OR6N1: variants seen among roughly 807,000 people sequenced by gnomAD.
The protein encoded by OR6N1 is olfactory receptor 6N1.
For synonymous variants in OR6N1, 170 were observed against 150.7 expected (o/e 1.13, Z -0.94); for missense variants, 394 against 371.7 (o/e 1.06, Z -0.49).
At chr1:158,779,915 C>A in the OR6N1 span, among the ~76,000 whole-genome samples, 1 of 152,288 alleles carries the variant, frequency 6.6e-6, no homozygotes, top group East Asian at 1.9e-4. Flanking sequence ...TTGTTAAGAT[C>A]TTTGAGAGCA....
the OR6N1 span, among the ~76,000 whole-genome samples, chr1:158,799,670 T>A: frequency 6.6e-6 from 1 of 152,224 alleles, no homozygotes; most frequent in African/African-American, 2.4e-5. Context: ...ATAAATCGTA[T>A]GTTTGTGTAG....
the OR6N1 span, chr1:158,777,754 ACT>A: frequency 1.6e-6 from 1 of 642,946 alleles, no homozygotes; most frequent in Non-Finnish European, 2.7e-6. Flanking sequence ...TGAAATTACT[ACT>A]GTTGCCCTCA....
At chr1:158,831,776 G>A in the OR6N1 span, among the ~76,000 whole-genome samples, 152,166 of 152,282 alleles carry the variant, frequency 1, 76,025 homozygotes, top group Middle Eastern at 1. Flanking sequence ...GTCTACAGCA[G>A]GTTTTAAAAA....
the OR6N1 span, chr1:158,831,192 C>A: frequency 1.3e-5 from 2 of 152,186 alleles, no homozygotes; most frequent in African/African-American, 4.8e-5. Context: ...AGAAGAGGCA[C>A]CATTTACTGT....
At chr1:158,776,558 A>G, upstream of OR6N1, 1 of 544,210 alleles carries the variant, frequency 1.8e-6, no homozygotes, top group East Asian at 2.9e-5. Flanking sequence ...AGAAAATCAT[A>G]AAGAAATGAA....
the OR6N1 span, among the ~76,000 whole-genome samples, chr1:158,782,513 C>T: frequency 6.6e-6 from 1 of 152,142 alleles, no homozygotes; most frequent in African/African-American, 2.4e-5. Context: ...TCACACACCA[C>T]TGGAGTTGTG....
the OR6N1 span, among the ~76,000 whole-genome samples, chr1:158,826,399 G>A: frequency 6.6e-6 from 1 of 152,030 alleles, no homozygotes; most frequent in Non-Finnish European, 1.5e-5. Flanking sequence ...AAAAATGAAA[G>A]CTCGATTTTA....
chr1:158,838,120 C>T, the OR6N1 span, among the ~76,000 whole-genome samples: 367 of 151,946 alleles, frequency 2.4e-3, 1 homozygote, highest in African/African-American at 8.4e-3. Flanking sequence ...AAAATGATTA[C>T]AAATCAAAAT....
chr1:158,771,611 C>A (rs888986035), intron 1 of OR6N1, among the ~76,000 whole-genome samples: 1 of 152,204 alleles, frequency 6.6e-6, no homozygotes, highest in Non-Finnish European at 1.5e-5. Flanking sequence ...TCTTCAGATA[C>A]CACAGCTGCA....
Position 158,765,748 on chromosome 1 carries a change from G to A in OR6N1, c.935C>T (p.Ala312Val), listed in dbSNP as rs1026164820. The A allele has an allele frequency of 1.2e-6, 2 of 1,610,216 alleles. No homozygotes were observed. Among genetic ancestry groups the A allele is most frequent in the Non-Finnish European group, 1.7e-6 (2 of 1,176,962 alleles). ...TGGCCTACTCTCAGCCCCAACTCAT[G>A]CCAATATCCCAATTCTCTTTAGCTG... Reference protein sequence around the residue: ...RRQLKRIGILA With the variant: ...RRQLKRIGILV The change falls in exon 2 of 2, where the codon GCA becomes GTA. Residue 312 changes from alanine (A) to valine (V), a missense_variant. Transcript: ENST00000641846.
At chr1:158,810,973 T>C in the OR6N1 span, among the ~76,000 whole-genome samples, 2 of 152,168 alleles carry the variant, frequency 1.3e-5, no homozygotes, top group African/African-American at 4.8e-5. Context: ...CATATTATTT[T>C]ATCACCCAGG....
chr1:158,835,836 G>C, the OR6N1 span, among the ~76,000 whole-genome samples: 10 of 151,242 alleles, frequency 6.6e-5, no homozygotes, highest in African/African-American at 1.9e-4. Flanking sequence ...AACATGAAAG[G>C]CTATTTAATT....
chr1:158,766,554 C>A lies in OR6N1; in HGVS notation c.129G>T (p.Leu43=). The change falls in exon 2 of 2, where the codon CTG becomes CTT. Residue 43 remains leucine, a synonymous_variant. Coordinates refer to ENST00000641846, the MANE Select transcript of OR6N1 (RefSeq NM_001005185.2). ...LIYLMTVLGN[L]LIFLVVCLDS... ...CCAGGCAGACCACCAGGAATATCAG[C>A]AGGTTTCCCAACACAGTCATGAGGT... 6.2e-7 allele frequency: 1 copy of A among 1,613,958 alleles called. No individual in the cohort carries two copies. The highest frequency in any genetic ancestry group is 2.2e-5 in the East Asian group (1 of 44,868).
At chr1:158,786,544 G>A in the OR6N1 span, among the ~76,000 whole-genome samples, 1 of 152,140 alleles carries the variant, frequency 6.6e-6, no homozygotes, top group Non-Finnish European at 1.5e-5. Context: ...ACATGGACCT[G>A]CATGTTTGTA....
At chr1:158,796,690 C>T in the OR6N1 span, among the ~76,000 whole-genome samples, 1 of 152,088 alleles carries the variant, frequency 6.6e-6, no homozygotes, top group Non-Finnish European at 1.5e-5. Flanking sequence ...AATCAGGGAA[C>T]TTCCCTATTG....
the OR6N1 span, among the ~76,000 whole-genome samples, chr1:158,783,421 T>C: frequency 6.6e-6 from 1 of 152,136 alleles, no homozygotes; most frequent in Non-Finnish European, 1.5e-5. Flanking sequence ...GAGCTAAATA[T>C]CCTAAGTTTT....
chr1:158,834,917 A>G, the OR6N1 span, among the ~76,000 whole-genome samples: 1 of 152,220 alleles, frequency 6.6e-6, no homozygotes, highest in Non-Finnish European at 1.5e-5. Flanking sequence ...TCAAAAATCA[A>G]TAAGCCATAT....
At chr1:158,821,133 ATCT>A in the OR6N1 span, among the ~76,000 whole-genome samples, 1 of 152,304 alleles carries the variant, frequency 6.6e-6, no homozygotes, top group Middle Eastern at 3.4e-3. Context: ...ATTCCAAAAC[ATCT>A]TCTTTTTTGT....
chr1:158,795,415 A>T, the OR6N1 span, among the ~76,000 whole-genome samples: 6 of 152,240 alleles, frequency 3.9e-5, no homozygotes, highest in African/African-American at 1.4e-4. Flanking sequence ...TGTCTGTAGC[A>T]CACTTCTCAC....
Sources: allele counts gnomAD v4.1 joint callset (sites outside exome capture counted in the v4.1 genomes callset), GRCh38; gene constraint gnomAD v4.1.1; transcripts MANE v1.5; gene names NCBI Gene and HGNC (gene_info 2026-07-23, HGNC 2026-07-21).